Variants in TENM3 observed in about 807,000 individuals in gnomAD.
TENM3 encodes teneurin transmembrane protein 3.
In TENM3, 63 loss-of-function variants were observed where a neutral mutation model predicts 255.1. The observed-to-expected ratio is 0.25, with a 90% CI of 0.20 to 0.30. The LOEUF is 0.30. TENM3 is among the 10% of genes least tolerant of loss of function. The pLI is 1.00. For missense variants in TENM3, 2,929 were observed against 3,461.1 expected, an observed-to-expected ratio of 0.85 and a Z score of 3.86; for synonymous variants, 1,306 against 1,322.3, an observed-to-expected ratio of 0.99 and a Z score of 0.27.
intron 16 of TENM3, among the ~76,000 whole-genome samples, chr4:182,736,097 C>G (rs759983446): frequency 2.2e-4 from 33 of 152,158 alleles, no homozygotes; most frequent in African/African-American, 4.1e-4. Context: ...AATTTACCAT[C>G]ATATCAAAAA....
At chr4:182,473,565 C>A (rs948660575) in intron 3 of TENM3, among the ~76,000 whole-genome samples, 2 of 152,008 alleles carry the variant, frequency 1.3e-5, no homozygotes, top group Non-Finnish European at 1.5e-5. Flanking sequence ...CCCAGCTACT[C>A]GGGAGGCTGA....
chr4:181,846,964 T>C, the TENM3 span, among the ~76,000 whole-genome samples: 1 of 152,234 alleles, frequency 6.6e-6, no homozygotes, highest in Non-Finnish European at 1.5e-5. Context: ...AAATAAATTT[T>C]GTTCAACGCA....
At chr4:182,565,653 C>G (rs1031746594) in intron 3 of TENM3, among the ~76,000 whole-genome samples, 2 of 152,104 alleles carry the variant, frequency 1.3e-5, no homozygotes, top group African/African-American at 4.8e-5. Context: ...TTATAGTACC[C>G]TTTTAAGTAT....
chr4:182,653,651 G>T, intron 5 of TENM3, 120 bp from the exon 6 acceptor site: 4 of 1,093,612 alleles, frequency 3.7e-6, no homozygotes, highest in East Asian at 2.7e-5. Context: ...AGTTATCCTT[G>T]GTATTTCAGA....
At chr4:182,595,639 G>T (rs575623616) in intron 3 of TENM3, among the ~76,000 whole-genome samples, 2 of 152,228 alleles carry the variant, frequency 1.3e-5, no homozygotes, top group East Asian at 3.9e-4. Flanking sequence ...TAAAGGAAAG[G>T]CACGTGGAAA....
chr4:182,323,549 G>A (rs570465419), intron 1 of TENM3, among the ~76,000 whole-genome samples: 1 of 152,162 alleles, frequency 6.6e-6, no homozygotes, highest in East Asian at 1.9e-4. Context: ...AAAATGAAAG[G>A]GAATTTATTT....
At chr4:182,418,709 C>A (rs1770565441) in intron 3 of TENM3, among the ~76,000 whole-genome samples, 1 of 152,104 alleles carries the variant, frequency 6.6e-6, no homozygotes, top group South Asian at 2.1e-4. Flanking sequence ...CTATAGGCAC[C>A]CACCACAACA....
At chr4:181,515,842 C>CT in the TENM3 span, among the ~76,000 whole-genome samples, 1 of 152,144 alleles carries the variant, frequency 6.6e-6, no homozygotes, top group Non-Finnish European at 1.5e-5. Context: ...AATCCCCTTA[C>CT]TGGGAATATA....
intron 22 of TENM3, among the ~76,000 whole-genome samples, chr4:182,758,159 A>G (rs971820545): frequency 5.9e-5 from 9 of 152,246 alleles, no homozygotes; most frequent in Non-Finnish European, 1.3e-4. Flanking sequence ...ATTTTGCAAA[A>G]TAATGTGTTA....
the TENM3 span, among the ~76,000 whole-genome samples, chr4:181,935,403 GTTC>G: frequency 6.6e-6 from 1 of 152,246 alleles, no homozygotes; most frequent in Admixed American, 6.5e-5. Flanking sequence ...TGCTAGGCTA[GTTC>G]TTCTTTTGCA....
the TENM3 span, among the ~76,000 whole-genome samples, chr4:181,994,049 T>C: frequency 6.6e-6 from 1 of 152,150 alleles, no homozygotes; most frequent in East Asian, 1.9e-4. Flanking sequence ...ATTCATACAA[T>C]GATTTTCTCA....
chr4:181,831,509 A>AAAAAC, the TENM3 span, among the ~76,000 whole-genome samples: 1 of 151,938 alleles, frequency 6.6e-6, no homozygotes, highest in African/African-American at 2.4e-5. Context: ...CAAAAAAAAA[A>AAAAAC]AAACCTGATT....
the TENM3 span, among the ~76,000 whole-genome samples, chr4:181,649,202 C>G: frequency 6.6e-6 from 1 of 152,152 alleles, no homozygotes; most frequent in Non-Finnish European, 1.5e-5. Flanking sequence ...TGGTTAACTG[C>G]TGCATGAAAA....
At chr4:182,244,144 G>A (rs1438899995) in intron 1 of TENM3, among the ~76,000 whole-genome samples, 2 of 151,116 alleles carry the variant, frequency 1.3e-5, no homozygotes, top group Admixed American at 6.6e-5. Flanking sequence ...TAGTAGAGAC[G>A]GGGTTTCACC....
intron 3 of TENM3, among the ~76,000 whole-genome samples, chr4:182,361,625 A>G (rs1006564583): frequency 6.6e-6 from 1 of 151,332 alleles, no homozygotes; most frequent in Admixed American, 6.6e-5. Flanking sequence ...ATTCGTCTAA[A>G]TTTTTTTCAA....
chr4:181,802,187 A>G, the TENM3 span, among the ~76,000 whole-genome samples: 2 of 152,196 alleles, frequency 1.3e-5, no homozygotes, highest in Non-Finnish European at 1.5e-5. Context: ...GTGCCTTTAC[A>G]ATTGAGAAGA....
intron 3 of TENM3, among the ~76,000 whole-genome samples, chr4:182,539,510 T>C (rs1009159705): frequency 1.3e-5 from 2 of 152,152 alleles, no homozygotes; most frequent in African/African-American, 4.8e-5. Context: ...TCAGGGAATA[T>C]TTTAATGTTT....
At chr4:182,747,539 T>C (rs1048472843) in intron 19 of TENM3, among the ~76,000 whole-genome samples, 1 of 152,244 alleles carries the variant, frequency 6.6e-6, no homozygotes, top group Non-Finnish European at 1.5e-5. Flanking sequence ...AGTATTAGTT[T>C]GCTAAGGAAC....
the TENM3 span, among the ~76,000 whole-genome samples, chr4:181,558,500 G>A: frequency 8.6e-3 from 1,315 of 152,270 alleles, 15 homozygotes; most frequent in African/African-American, 0.03. Context: ...TAAACTATTA[G>A]GCAAGCACTT....
Sources: gnomAD v4.1 joint callset for allele counts (sites outside exome capture counted in the v4.1 genomes callset) on GRCh38, gnomAD v4.1.1 for gene constraint, MANE v1.5 for transcripts, NCBI Gene and HGNC (gene_info 2026-07-23, HGNC 2026-07-21) for gene names.